Variants in RSF1 observed in about 807,000 individuals in gnomAD.
The protein encoded by RSF1 is HBV pX-associated protein 8.
RSF1 carries 13 observed loss-of-function variants against 145.2 expected under a neutral mutation model. The ratio of observed to expected loss-of-function variants is 0.09; its 90% CI spans 0.06 to 0.14. The LOEUF is 0.14. RSF1 is among the 10% of genes least tolerant of loss of function. The pLI, the probability that RSF1 is intolerant of heterozygous loss-of-function variation, is 1.00. For missense variants in RSF1, 1,517 were observed against 1,718.2 expected (o/e 0.88, Z 2.07); for synonymous variants, 577 against 592.6 (o/e 0.97, Z 0.38).
At chr11:77,844,647 C>T in the RSF1 span, among the ~76,000 whole-genome samples, 72 of 152,144 alleles carry the variant, frequency 4.7e-4, no homozygotes, top group African/African-American at 1.4e-3. Flanking sequence ...CAGGCATGAG[C>T]CATCATGCCC....
intron 4 of RSF1, among the ~76,000 whole-genome samples, chr11:77,732,830 A>T (rs1462833100): frequency 6.6e-6 from 1 of 152,218 alleles, no homozygotes; most frequent in Admixed American, 6.5e-5. Context: ...GTATGTCTTT[A>T]TCAGCAGCAT....
At chr11:77,771,519 TAA>T (rs1337312651) in intron 1 of RSF1, among the ~76,000 whole-genome samples, 1 of 152,184 alleles carries the variant, frequency 6.6e-6, no homozygotes, top group Non-Finnish European at 1.5e-5. Context: ...TAGAGCTATG[TAA>T]AGAGTTTAGA....
chr11:77,701,770 T>G lies in RSF1; in HGVS notation c.1459A>C (p.Thr487Pro). The G allele has an allele frequency of 6.2e-7, 1 of 1,613,974 alleles. No individual in the cohort carries two copies. Among genetic ancestry groups the G allele is most frequent in the Non-Finnish European group, 8.5e-7 (1 of 1,179,996 alleles). ...GTTATGACAGAATTTAAGGACTCTG[T>G]TCCATTTCCCTCCGTGATGATATTT... is the stretch of plus-strand genomic sequence containing the variant. The part of the protein sequence containing the change: ...DRNIITEGNG[T>P]ESLNSVITSM... The change falls in exon 6 of 16, where the codon ACA (threonine) becomes CCA (proline). Residue 487 changes from threonine to proline, a missense_variant. Physicochemically the swap from Thr to Pro is conservative, Grantham distance 38. Transcript: ENST00000308488.
chr11:77,761,061 C>G (rs779475047), intron 2 of RSF1, among the ~76,000 whole-genome samples: 1 of 152,128 alleles, frequency 6.6e-6, no homozygotes, highest in Non-Finnish European at 1.5e-5. Context: ...TCTCCTGCCT[C>G]AGCCTCCGGA....
At chr11:77,850,681 T>C in the RSF1 span, 1 of 152,172 alleles carries the variant, frequency 6.6e-6, no homozygotes. Flanking sequence ...ATGTGAATAA[T>C]ATAATACATT....
intron 4 of RSF1, among the ~76,000 whole-genome samples, chr11:77,728,401 C>T (rs1340182166): frequency 4.6e-5 from 7 of 152,156 alleles, no homozygotes; most frequent in Middle Eastern, 3.4e-3. Flanking sequence ...AATGGCTGGG[C>T]GTGGTGGCTC....
intron 1 of RSF1, among the ~76,000 whole-genome samples, chr11:77,787,129 G>A (rs543473356): frequency 3.3e-5 from 5 of 152,214 alleles, no homozygotes; most frequent in East Asian, 1.9e-4. Flanking sequence ...GCATGTACCC[G>A]GGGAAATTAC....
intron 9 of RSF1, among the ~76,000 whole-genome samples, chr11:77,690,783 A>G (rs1338172346): frequency 6.6e-6 from 1 of 152,264 alleles, no homozygotes; most frequent in Non-Finnish European, 1.5e-5. Flanking sequence ...GATAATAAGC[A>G]TGCAATCTTG....
intron 4 of RSF1, among the ~76,000 whole-genome samples, chr11:77,729,015 G>A (rs937598420): frequency 6.6e-6 from 1 of 152,188 alleles, no homozygotes; most frequent in Non-Finnish European, 1.5e-5. Flanking sequence ...TAGATGTGGA[G>A]TGAGAGAAAA....
chr11:77,717,836 T>C (rs1296359386), intron 5 of RSF1: 1 of 152,234 alleles, frequency 6.6e-6, no homozygotes, highest in African/African-American at 2.4e-5. Context: ...AGTAACATCA[T>C]AAATATCTGT....
At chr11:77,745,495 A>G (rs1305496372) in intron 3 of RSF1, among the ~76,000 whole-genome samples, 1 of 145,978 alleles carries the variant, frequency 6.9e-6, no homozygotes, top group African/African-American at 2.7e-5. Flanking sequence ...AAGAGTTTTA[A>G]AATTTCCTTT....
chr11:77,843,269 A>G, the RSF1 span, among the ~76,000 whole-genome samples: 2 of 152,110 alleles, frequency 1.3e-5, no homozygotes, highest in Admixed American at 1.3e-4. Flanking sequence ...ATTTCCCTGC[A>G]TTTCCTCAAG....
chr11:77,735,780 G>C (rs568024177), intron 4 of RSF1, among the ~76,000 whole-genome samples: 1 of 151,854 alleles, frequency 6.6e-6, no homozygotes, highest in Non-Finnish European at 1.5e-5. Flanking sequence ...CTCTGTTGTC[G>C]CCAGGCTGGA....
intron 1 of RSF1, among the ~76,000 whole-genome samples, chr11:77,774,331 G>A (rs988379835): frequency 3.3e-5 from 5 of 152,114 alleles, no homozygotes; most frequent in African/African-American, 1.2e-4. Flanking sequence ...GGTTGGGCGT[G>A]GTAGCTCACG....
intron 4 of RSF1, among the ~76,000 whole-genome samples, chr11:77,728,966 C>T (rs1377544464): frequency 6.6e-6 from 1 of 151,952 alleles, no homozygotes; most frequent in Non-Finnish European, 1.5e-5. Flanking sequence ...ATTCTAGATA[C>T]AATCATGCAT....
At chr11:77,750,007 C>G (rs7118800) in intron 2 of RSF1, among the ~76,000 whole-genome samples, 7 of 151,838 alleles carry the variant, frequency 4.6e-5, no homozygotes, top group Non-Finnish European at 2.9e-5. Flanking sequence ...TTGGCATCCC[C>G]AAGTGCTGGG....
At chr11:77,784,342 ATGTT>A (rs1479518777) in intron 1 of RSF1, among the ~76,000 whole-genome samples, 2 of 151,902 alleles carry the variant, frequency 1.3e-5, no homozygotes, top group East Asian at 1.9e-4. Flanking sequence ...GAAGTTCTAT[ATGTT>A]TATTTTTCTT....
Position 77,734,670 on chromosome 11 carries a change from G to A in RSF1, c.578+6061C>T. 6 of 1,408,038 alleles carry A rather than the reference G, an allele frequency of 4.3e-6. No homozygotes were observed. The South Asian group carries it at 6.9e-5, about 16-fold the overall frequency. 87.2% of individuals were successfully genotyped at this position (1,408,038 alleles called of 1,614,324 possible). On this transcript the variant is annotated intron_variant, in intron 4 of 15. Coordinates refer to ENST00000308488, the MANE Select transcript of RSF1 (RefSeq NM_016578.4). ...GGTCATTTTTGTCAGTGGCCAATTT[G>A]TGCAGTTCCAGTAGTGACTGATTCA...
intron 5 of RSF1, among the ~76,000 whole-genome samples, chr11:77,717,156 C>CAA (rs112077337): frequency 1.2e-5 from 1 of 85,842 alleles, no homozygotes; most frequent in Non-Finnish European, 2.7e-5. Context: ...CCAGCATGGG[C>CAA]AAAAAAAAAA....
Sources: allele counts gnomAD v4.1 joint callset (sites outside exome capture counted in the v4.1 genomes callset), GRCh38; gene constraint gnomAD v4.1.1; transcripts MANE v1.5; gene names NCBI Gene and HGNC (gene_info 2026-07-23, HGNC 2026-07-21).